KAT6B: variants seen among roughly 807,000 people sequenced by gnomAD.
KAT6B encodes the protein histone acetyltransferase KAT6B.
A neutral mutation model predicts 187.5 loss-of-function variants in KAT6B; 10 were observed. The ratio of observed to expected loss-of-function variants is 0.05; its 90% CI spans 0.03 to 0.09. The LOEUF (loss-of-function observed/expected upper bound fraction) is 0.09. Ranked by LOEUF, KAT6B falls within the 10% of genes least tolerant of loss-of-function variation. KAT6B has a pLI of 1.00. For missense variants in KAT6B, 1,952 were observed against 2,558.9 expected (o/e 0.76, Z 5.12); for synonymous variants, 861 against 926.8 (o/e 0.93, Z 1.29).
At chr10:74,845,036 G>T (rs1841997321) in intron 3 of KAT6B, among the ~76,000 whole-genome samples, 1 of 151,922 alleles carries the variant, frequency 6.6e-6, no homozygotes, top group African/African-American at 2.4e-5. Context: ...GGGCAACATA[G>T]TAAGACCCCT....
intron 3 of KAT6B, among the ~76,000 whole-genome samples, chr10:74,945,555 T>G (rs999894571): frequency 6.6e-6 from 1 of 152,312 alleles, no homozygotes; most frequent in South Asian, 2.1e-4. Context: ...CTCCGCCTCC[T>G]GGGTTCGGGA....
At chr10:74,997,529 T>C (rs1293898484) in intron 13 of KAT6B, among the ~76,000 whole-genome samples, 1 of 152,152 alleles carries the variant, frequency 6.6e-6, no homozygotes, top group Non-Finnish European at 1.5e-5. Context: ...CCCAAGCACT[T>C]TAACTGTTAG....
intron 3 of KAT6B, among the ~76,000 whole-genome samples, chr10:74,845,785 C>T (rs1842060721): frequency 6.7e-6 from 1 of 149,880 alleles, no homozygotes; most frequent in Admixed American, 6.6e-5. Context: ...TACCATGAAC[C>T]CTTGAAATGG....
chr10:75,009,790 G>A (rs867474323), intron 13 of KAT6B, among the ~76,000 whole-genome samples: 1 of 152,144 alleles, frequency 6.6e-6, no homozygotes, highest in African/African-American at 2.4e-5. Flanking sequence ...CAGATCACCT[G>A]AGGTCAGGAG....
intron 3 of KAT6B, among the ~76,000 whole-genome samples, chr10:74,958,503 A>C (rs1392979953): frequency 6.6e-6 from 1 of 152,232 alleles, no homozygotes; most frequent in African/African-American, 2.4e-5. Context: ...AACATGTGTG[A>C]AGGCTTGGAA....
intron 3 of KAT6B, among the ~76,000 whole-genome samples, chr10:74,921,108 A>ATTT (rs10550175): frequency 1.2e-4 from 13 of 109,488 alleles, no homozygotes; most frequent in East Asian, 2.6e-4. Flanking sequence ...TGTAGTCTAA[A>ATTT]TTTTTTTTTT....
chr10:74,885,734 C>CTT (rs149580820), intron 3 of KAT6B, among the ~76,000 whole-genome samples: 28 of 135,550 alleles, frequency 2.1e-4, no homozygotes, highest in South Asian at 1.4e-3. Context: ...AGGAGAAGTT[C>CTT]TTTTTTTTTT....
intron 3 of KAT6B, among the ~76,000 whole-genome samples, chr10:74,952,152 C>T (rs778987975): frequency 1.2e-4 from 18 of 151,992 alleles, no homozygotes; most frequent in East Asian, 7.7e-4. Context: ...CTTAGGAGTT[C>T]GAGATGGCCT....
rs146934953 is a variant in KAT6B, at chr10:74,950,440, G to A, written c.622-9530G>A. On this transcript the variant is annotated intron_variant, in intron 3 of 17. Coordinates refer to ENST00000287239, the MANE Select transcript of KAT6B (RefSeq NM_012330.4). ...CAGATGCAGACGGGAACAAAATAAC[G>A]CTCTGGAAAAAAAATAAGATGATTT... Among the ~76,000 whole-genome samples, 7 of 152,108 alleles carry A rather than the reference G, an allele frequency of 4.6e-5. No individual in the cohort carries two copies. In the East Asian group the frequency reaches 1.4e-3, roughly 29 times the overall value.
At position 74,843,362 on chromosome 10, in the gene KAT6B, G is replaced by A. The variant is rs1204483841; in HGVS notation, c.505G>A (p.Gly169Arg). 1.9e-6 allele frequency: 3 copies of A among 1,613,058 alleles called. No individual in the cohort carries two copies. The highest frequency in any genetic ancestry group is 2.5e-6 in the Non-Finnish European group (3 of 1,179,430). ...GAATAATGGGAGGTTACTGAAAGAC[G>A]GACCGCAGTACAGGGTCAATTATGG... ...AVNNGRLLKD[G>R]PQYRVNYGSL... Residue 169 changes from glycine (G) to arginine (R), a missense_variant, in exon 3 of 18, where the codon GGA (glycine) becomes AGA (arginine). Around this residue, in one of 9 missense-constraint regions of KAT6B, gnomAD observed 218 missense variants for 282.6 expected, o/e 0.77. Coordinates refer to ENST00000287239, the MANE Select transcript of KAT6B (RefSeq NM_012330.4).
chr10:75,005,957 A>G (rs75720711), intron 13 of KAT6B, among the ~76,000 whole-genome samples: 1 of 152,244 alleles, frequency 6.6e-6, no homozygotes, highest in East Asian at 1.9e-4. Flanking sequence ...ATGCAGCACA[A>G]TTACACGGCA....
chr10:74,916,691 G>A (rs1426948175), intron 3 of KAT6B, among the ~76,000 whole-genome samples: 1 of 152,152 alleles, frequency 6.6e-6, no homozygotes, highest in Non-Finnish European at 1.5e-5. Context: ...TATACTTGAT[G>A]GGTGCATACA....
chr10:74,981,022 GATATT>G (rs1436945428), intron 10 of KAT6B, among the ~76,000 whole-genome samples: 1 of 152,164 alleles, frequency 6.6e-6, no homozygotes, highest in African/African-American at 2.4e-5. Flanking sequence ...TTCTGAGTAA[GATATT>G]ATATCTATAC....
Position 75,029,541 on chromosome 10 carries a change from C to G in KAT6B, c.4717C>G (p.Gln1573Glu). Reference protein sequence around the residue: ...AETQEACRSLQNYTRADQSPQ... With the variant: ...AETQEACRSLENYTRADQSPQ... ...GACTCAAGAGGCCTGTAGAAGCCTACAGAACTACACCCGTGCAGACCAAAG... is the reference window on the plus strand; with the variant it reads ...GACTCAAGAGGCCTGTAGAAGCCTAGAGAACTACACCCGTGCAGACCAAAG... Residue 1573 changes from glutamine (Q) to glutamate (E), a missense_variant, in exon 18 of 18, where the codon CAG becomes GAG. Gln to Glu is a conservative substitution (Grantham distance 29). Coordinates refer to ENST00000287239, the MANE Select transcript of KAT6B (RefSeq NM_012330.4). This position sits in a 1 kb window ranked among gnomAD's most constrained non-coding sequence, Gnocchi z 6.2. 6.2e-7 allele frequency: 1 copy of G among 1,614,116 alleles called. No individual in the cohort carries two copies. The highest frequency in any genetic ancestry group is 8.5e-7 in the Non-Finnish European group (1 of 1,180,020).
At chr10:74,883,892 A>G (rs1845046191) in intron 3 of KAT6B, among the ~76,000 whole-genome samples, 2 of 152,164 alleles carry the variant, frequency 1.3e-5, no homozygotes. Context: ...TGAGGTGCTG[A>G]AGCTGTGCTT....
rs567990356 is a variant in KAT6B, at chr10:74,995,102, A to G, written c.2629+5990A>G. Among the ~76,000 whole-genome samples the G allele has an allele frequency of 9.2e-5, 14 of 152,244 alleles. No individual in the cohort carries two copies. The East Asian group carries it at 2.1e-3, about 23-fold the overall frequency. On this transcript the variant is annotated intron_variant, in intron 13 of 17. Transcript: ENST00000287239. ...GTGAGAACCCTGACTTCCATTACCC[A>G]CAATATACTTATGTGCTACACCCTA...
chr10:75,011,929 C>T (rs1263617843), intron 13 of KAT6B, among the ~76,000 whole-genome samples: 2 of 152,282 alleles, frequency 1.3e-5, no homozygotes, highest in Middle Eastern at 3.4e-3. Context: ...ACCACTATAG[C>T]CCTGTGAGGT....
In KAT6B at chr10:74,972,636, T is replaced by C; in HGVS notation, c.1058T>C (p.Leu353Ser). The C allele has an allele frequency of 6.2e-7, 1 of 1,612,714 alleles. No homozygotes were observed. Among genetic ancestry groups the C allele is most frequent in the Non-Finnish European group, 8.5e-7 (1 of 1,178,996 alleles). The part of the protein sequence containing the change: ...GRPKNKLKQR[L>S]LSVTSDEGSM... Reference sequence around the variant, plus strand: ...CCGAAAAATAAATTAAAGCAACGATTGTTGTAGGTTGAGATCTTATCAAAA... The same window carrying C: ...CCGAAAAATAAATTAAAGCAACGATCGTTGTAGGTTGAGATCTTATCAAAA... Residue 353 changes from leucine (L) to serine (S), a missense_variant, in exon 7 of 18, where the codon TTG becomes TCG. This residue lies in a region of KAT6B where 417 missense variants were observed against 508.9 expected (regional missense o/e 0.82). Coordinates refer to ENST00000287239, the MANE Select transcript of KAT6B (RefSeq NM_012330.4).
chr10:74,857,918 A>G (rs1407945631), intron 3 of KAT6B, among the ~76,000 whole-genome samples: 10 of 152,144 alleles, frequency 6.6e-5, no homozygotes, highest in Admixed American at 5.9e-4. Context: ...ACTACTTGGG[A>G]GGCTGAGGTG....
Sources: gnomAD v4.1 joint callset for allele counts (sites outside exome capture counted in the v4.1 genomes callset) on GRCh38, gnomAD v4.1.1 for gene constraint, gnomAD v4.1.1 regional missense constraint, Gnocchi (gnomAD v3.1) non-coding constraint, MANE v1.5 for transcripts, NCBI Gene and HGNC (gene_info 2026-07-23, HGNC 2026-07-21) for gene names.